The following CDK14 variants were observed in gnomAD, a reference collection of about 807,000 sequenced individuals.
CDK14 encodes cyclin dependent kinase 14, also known as cyclin-dependent kinase 14.
A neutral mutation model predicts 60.7 loss-of-function variants in CDK14; 34 were observed. That is an observed-to-expected ratio of 0.56 (90% confidence interval 0.43 to 0.75). The LOEUF (loss-of-function observed/expected upper bound fraction) is 0.75, where lower values mean the gene tolerates loss of function less well. Ranked by LOEUF, CDK14 falls within the 30% of genes least tolerant of loss-of-function variation. The probability of loss-of-function intolerance (pLI) is 0.00; values close to 1 mark genes in which losing one functional copy is unlikely to be tolerated. For synonymous variants in CDK14, 197 were observed against 203.7 expected (o/e 0.97, Z 0.28); for missense variants, 482 against 564.1 (o/e 0.85, Z 1.47).
intron 2 of CDK14, among the ~76,000 whole-genome samples, chr7:90,634,070 T>C (rs901884217): frequency 5.9e-5 from 9 of 152,130 alleles, no homozygotes; most frequent in Non-Finnish European, 5.9e-5. Flanking sequence ...ATCAAAAATT[T>C]ATGGTTAATA....
At chr7:90,877,468 A>T (rs1477485538) in intron 6 of CDK14, among the ~76,000 whole-genome samples, 1 of 151,882 alleles carries the variant, frequency 6.6e-6, no homozygotes, top group Non-Finnish European at 1.5e-5. Context: ...AGAATTTTCC[A>T]TCTTTTGGGT....
chr7:91,109,526 A>C (rs1799414154), intron 12 of CDK14, among the ~76,000 whole-genome samples: 1 of 152,170 alleles, frequency 6.6e-6, no homozygotes, highest in Non-Finnish European at 1.5e-5. Context: ...CCAATCCAAA[A>C]GAAGACAGGT....
chr7:90,741,592 T>TTTA (rs1803346882), intron 3 of CDK14, among the ~76,000 whole-genome samples: 1 of 152,198 alleles, frequency 6.6e-6, no homozygotes, highest in South Asian at 2.1e-4. Flanking sequence ...TGGCATTGAT[T>TTTA]TTAAGCCCTT....
chr7:90,973,475 A>G lies in CDK14; in HGVS notation c.948-10673A>G, dbSNP rs545637362. Among the ~76,000 whole-genome samples the G allele has an allele frequency of 5.9e-5, 9 of 152,336 alleles. No homozygotes were observed. In the South Asian group the frequency reaches 1.9e-3, roughly 32 times the overall value. ...ACGAAAATCTAGGCAGTGTTTTCTGACATTTTCATTGCAACCATATTTTAA... is the reference window on the plus strand; with the variant it reads ...ACGAAAATCTAGGCAGTGTTTTCTGGCATTTTCATTGCAACCATATTTTAA... On this transcript the variant is annotated intron_variant, in intron 9 of 14. Transcript: ENST00000380050.
At chr7:91,045,873 C>A in intron 10 of CDK14, 24 bp from the exon 11 acceptor site, 1 of 1,536,988 alleles carries the variant, frequency 6.5e-7, no homozygotes, top group Non-Finnish European at 9.0e-7. Flanking sequence ...AAGGCTGTTT[C>A]CACAATCTCC....
intron 10 of CDK14, among the ~76,000 whole-genome samples, chr7:91,003,645 A>T (rs1185851020): frequency 6.6e-6 from 1 of 152,134 alleles, no homozygotes; most frequent in Non-Finnish European, 1.5e-5. Flanking sequence ...ATCAAATTCC[A>T]GAAATCCAGG....
At chr7:90,641,686 GATC>G (rs1800338682) in intron 2 of CDK14, among the ~76,000 whole-genome samples, 2 of 152,160 alleles carry the variant, frequency 1.3e-5, no homozygotes, top group African/African-American at 4.8e-5. Flanking sequence ...CTCTCTTTGA[GATC>G]ATCAAAGTGG....
intron 9 of CDK14, among the ~76,000 whole-genome samples, chr7:90,959,029 C>T (rs1794519165): frequency 6.6e-6 from 1 of 152,116 alleles, no homozygotes; most frequent in Admixed American, 6.6e-5. Context: ...CTTTTTCTTG[C>T]CCGTGTGTCA....
chr7:91,202,554 C>T (rs1802764956), intron 14 of CDK14, among the ~76,000 whole-genome samples: 1 of 152,212 alleles, frequency 6.6e-6, no homozygotes, highest in Admixed American at 6.5e-5. Flanking sequence ...TCTCCTTCCA[C>T]CTAAATCCCC....
At chr7:90,604,537 G>A (rs181957771) in intron 2 of CDK14, among the ~76,000 whole-genome samples, 4 of 152,276 alleles carry the variant, frequency 2.6e-5, no homozygotes, top group Admixed American at 2.0e-4. Context: ...CTTGAGACAC[G>A]CAGAGTGATG....
chr7:91,000,910 G>C (rs1257619386), intron 10 of CDK14, among the ~76,000 whole-genome samples: 2 of 152,162 alleles, frequency 1.3e-5, no homozygotes, highest in Non-Finnish European at 2.9e-5. Flanking sequence ...TATTTGTATG[G>C]TCTTCGCTGG....
At chr7:90,652,626 A>G (rs1381680020) in intron 2 of CDK14, among the ~76,000 whole-genome samples, 1 of 152,228 alleles carries the variant, frequency 6.6e-6, no homozygotes, top group East Asian at 1.9e-4. Flanking sequence ...ACGATGTGCT[A>G]GAAACTGTAT....
chr7:91,030,993 T>C (rs1796744615), intron 10 of CDK14, among the ~76,000 whole-genome samples: 1 of 152,210 alleles, frequency 6.6e-6, no homozygotes. Context: ...GGTGGGTGCA[T>C]TTTCATCAGG....
chr7:90,688,369 C>T (rs1162728520), intron 2 of CDK14, among the ~76,000 whole-genome samples: 6 of 152,150 alleles, frequency 3.9e-5, no homozygotes, highest in African/African-American at 1.4e-4. Context: ...CGTCATCTTA[C>T]GATCATATTG....
chr7:91,123,022 T>C (rs891138154), intron 14 of CDK14, among the ~76,000 whole-genome samples: 7 of 152,194 alleles, frequency 4.6e-5, no homozygotes, highest in African/African-American at 1.4e-4. Flanking sequence ...GCAAGCAGTA[T>C]AGCTGGAAAG....
At chr7:90,884,176 T>C (rs568245608) in intron 6 of CDK14, among the ~76,000 whole-genome samples, 120 of 152,288 alleles carry the variant, frequency 7.9e-4, no homozygotes, top group African/African-American at 2.6e-3. Context: ...ATTTTGTATT[T>C]AGAAAACCCA....
intron 5 of CDK14, among the ~76,000 whole-genome samples, chr7:90,809,241 T>G (rs1255493713): frequency 6.6e-6 from 1 of 152,190 alleles, no homozygotes; most frequent in Non-Finnish European, 1.5e-5. Flanking sequence ...CCTTAGCAAC[T>G]GTAGAAGAAC....
intron 6 of CDK14, among the ~76,000 whole-genome samples, chr7:90,869,445 A>G (rs745622277): frequency 2.6e-5 from 4 of 152,224 alleles, no homozygotes; most frequent in Non-Finnish European, 5.9e-5. Flanking sequence ...TTGAGATGCA[A>G]TGGCATTCAG....
At chr7:90,684,163 C>T (rs965345956) in intron 2 of CDK14, among the ~76,000 whole-genome samples, 1 of 152,152 alleles carries the variant, frequency 6.6e-6, no homozygotes, top group Non-Finnish European at 1.5e-5. Flanking sequence ...TGTGCTGTAG[C>T]ACTACAAAAT....
Sources: gnomAD v4.1 joint callset for allele counts (sites outside exome capture counted in the v4.1 genomes callset) on GRCh38, gnomAD v4.1.1 for gene constraint, MANE v1.5 for transcripts, NCBI Gene and HGNC (gene_info 2026-07-23, HGNC 2026-07-21) for gene names.